ZNF367: variants seen among roughly 807,000 people sequenced by gnomAD.
The protein encoded by ZNF367 is zinc finger protein 367.
ZNF367 carries 11 observed loss-of-function variants against 31.8 expected under a neutral mutation model. That is an observed-to-expected ratio of 0.35 (90% CI 0.22 to 0.57). The LOEUF is 0.57. ZNF367 is among the 20% of genes least tolerant of loss of function. The pLI is 0.85. For missense variants in ZNF367, 353 were observed against 484.1 expected (o/e 0.73, Z 2.54); for synonymous variants, 199 against 202.4 (o/e 0.98, Z 0.14).
chr9:96,394,854 G>T lies in ZNF367; in HGVS notation c.660C>A (p.Thr220=), dbSNP rs528851804. Residue 220 remains threonine, a synonymous_variant, in exon 3 of 5, where the codon ACC becomes ACA. Transcript: ENST00000375256. ...CTGAACAAACAAAAGGTTTCTCTCC[G>T]GTGTGAAGACGCTGATGTGTTTTGA... ...GQLKTHQRLH[T]GEKPFVCSEN... The T allele has an allele frequency of 2.5e-6, 4 of 1,613,896 alleles. No homozygotes were observed. The Admixed American group carries it at 5.0e-5, about 20-fold the overall frequency.
chr9:96,407,840 C>A, intron 1 of ZNF367: 1 of 763,996 alleles, frequency 1.3e-6, no homozygotes. Flanking sequence ...GTCTCGATCT[C>A]TCTGATCCGC....
At chr9:96,403,331 T>C (rs1360265926) in intron 1 of ZNF367, among the ~76,000 whole-genome samples, 4 of 152,124 alleles carry the variant, frequency 2.6e-5, no homozygotes, top group Non-Finnish European at 5.9e-5. Context: ...GAAAATACCT[T>C]GACACAAATA....
rs896805132 is a variant in ZNF367 at position 96,417,098 on chromosome 9, G to A, written c.420+515C>T. 6.6e-6 allele frequency among the ~76,000 whole-genome samples: 1 copy of A among 152,220 alleles called. No homozygotes were observed. The highest frequency in any genetic ancestry group is 1.5e-5 in the Non-Finnish European group (1 of 68,044). On this transcript the variant is annotated intron_variant, in intron 1 of 4. Transcript: ENST00000375256. This position sits in a 1 kb window ranked among gnomAD's most constrained non-coding sequence, Gnocchi z 5.0. ...TCAACACCTAGCAAGTAGTATGCTGGATAAATGAAAGGCAGCGAAGGCACA... is the reference window on the plus strand; with the variant it reads ...TCAACACCTAGCAAGTAGTATGCTGAATAAATGAAAGGCAGCGAAGGCACA...
chr9:96,418,196 CG>C lies in ZNF367; in HGVS notation c.-165del, dbSNP rs1340274325. The C allele has an allele frequency of 6.0e-5, 65 of 1,092,012 alleles. 1 individual carries two copies. The highest frequency in any genetic ancestry group is 6.7e-4 in the Middle Eastern group (2 of 2,986). The allele number at this position is 1,092,012 out of a possible 1,614,324, so 67.6% of individuals were successfully genotyped here. On this transcript the variant is annotated 5_prime_UTR_variant, in exon 1 of 5. Coordinates refer to ENST00000375256, the MANE Select transcript of ZNF367 (RefSeq NM_153695.4). ...GCAGCCACCTAACTAGTTGAGCAGA[CG>C]GCACCGGCGGGCAGGGCTGGACCCC...
In ZNF367 at chr9:96,417,921, T is replaced by C. The variant is rs1831856861; in HGVS notation, c.112A>G (p.Thr38Ala). Reference protein sequence around the residue: ...KRVLVSVIRTTPIKPTCGGGG... With the variant: ...KRVLVSVIRTAPIKPTCGGGG... ...CCGCCGCACGTTGGCTTGATCGGGG[T>C]CGTCCTGATGACCGACACCAGCACC... Residue 38 changes from threonine (T) to alanine (A), a missense_variant, in exon 1 of 5, where the codon ACC becomes GCC. Transcript: ENST00000375256. The surrounding 1 kb of genome is among the most constrained non-coding windows in gnomAD (Gnocchi z 5.0). 4 of 1,518,542 alleles carry C rather than the reference T, an allele frequency of 2.6e-6. No individual in the cohort carries two copies. Among genetic ancestry groups the C allele is most frequent in the Non-Finnish European group, 2.6e-6 (3 of 1,142,258 alleles). The allele number at this position is 1,518,542 out of a possible 1,614,324, so 94.1% of individuals were successfully genotyped here.
At chr9:96,415,501 T>C (rs1831812131) in intron 1 of ZNF367, among the ~76,000 whole-genome samples, 1 of 109,148 alleles carries the variant, frequency 9.2e-6, no homozygotes, top group African/African-American at 3.8e-5. Flanking sequence ...TTTTTTTTTT[T>C]TTTTTTTTTT....
intron 1 of ZNF367, among the ~76,000 whole-genome samples, chr9:96,402,106 A>C (rs1174360713): frequency 6.7e-6 from 1 of 149,996 alleles, no homozygotes; most frequent in Non-Finnish European, 1.5e-5. Context: ...AAATACAAAA[A>C]TTAGCTGGGC....
At chr9:96,390,884 GAAAA>G (rs34868065) in intron 4 of ZNF367, among the ~76,000 whole-genome samples, 5 of 56,594 alleles carry the variant, frequency 8.8e-5, no homozygotes, top group East Asian at 5.6e-4. Flanking sequence ...ACCCTGTCTC[GAAAA>G]AAAAAAAAAA....
chr9:96,411,403 G>A (rs1011424790), intron 1 of ZNF367, among the ~76,000 whole-genome samples: 2 of 151,604 alleles, frequency 1.3e-5, no homozygotes, highest in Non-Finnish European at 2.9e-5. Context: ...AAGGCCAGGT[G>A]TGATATACAC....
At chr9:96,388,573 A>C in intron 4 of ZNF367, 114 bp from the exon 5 acceptor site, 1 of 944,534 alleles carries the variant, frequency 1.1e-6, no homozygotes, top group Non-Finnish European at 1.5e-6. Flanking sequence ...TCAGTTTATA[A>C]AGTTATAAAG....
chr9:96,392,650 G>A lies in ZNF367; in HGVS notation c.692-114C>T, dbSNP rs1013943442. 42 of 1,421,646 alleles carry A rather than the reference G, an allele frequency of 3.0e-5. No individual in the cohort carries two copies. In the Admixed American group the frequency reaches 8.7e-4, roughly 29 times the overall value. 88.1% of individuals were successfully genotyped at this position (1,421,646 alleles called of 1,614,324 possible). A position where few individuals can be genotyped will look rare whatever the true frequency, so the allele number is the denominator to read the frequency against. On this transcript the variant is annotated intron_variant, in intron 3 of 4. Transcript: ENST00000375256. ...AAGTAAATTAATATGGTGAAATTTA[G>A]GATCTATAATTTGGAGGAGAAAACA...
intron 1 of ZNF367, among the ~76,000 whole-genome samples, chr9:96,401,679 T>C (rs1423202803): frequency 8.9e-6 from 1 of 112,220 alleles, no homozygotes; most frequent in Non-Finnish European, 1.8e-5. Context: ...AAAAAAAAAA[T>C]TAGCCAGGTG....
intron 3 of ZNF367, 68 bp from the exon 4 acceptor site, chr9:96,392,604 C>G: frequency 6.6e-7 from 1 of 1,518,196 alleles, no homozygotes. Flanking sequence ...GGAAAACATT[C>G]AGTTTCACTG....
chr9:96,402,380 A>G (rs1831615199), intron 1 of ZNF367, among the ~76,000 whole-genome samples: 1 of 152,008 alleles, frequency 6.6e-6, no homozygotes, highest in African/African-American at 2.4e-5. Context: ...GACAGAATTA[A>G]AAGGAGAAAT....
In ZNF367 at chr9:96,417,967, G is replaced by A. The variant is rs1337354089; in HGVS notation, c.66C>T (p.Phe22=). Residue 22 remains phenylalanine (F), a synonymous_variant, in exon 1 of 5, where the codon TTC becomes TTT. Coordinates refer to ENST00000375256, the MANE Select transcript of ZNF367 (RefSeq NM_153695.4). This position sits in a 1 kb window ranked among gnomAD's most constrained non-coding sequence, Gnocchi z 5.0. The part of the protein sequence containing the change: ...NPPPPPPPVI[F]CHDSPKRVLV... ...GCACCCGCTTCGGGGAGTCGTGGCAGAAGATGACGGGCGGCGGCGGCGGCG... is the reference window on the plus strand; with the variant it reads ...GCACCCGCTTCGGGGAGTCGTGGCAAAAGATGACGGGCGGCGGCGGCGGCG... 1.4e-6 allele frequency: 2 copies of A among 1,477,962 alleles called. No individual in the cohort carries two copies. The highest frequency in any genetic ancestry group is 1.8e-6 in the Non-Finnish European group (2 of 1,121,634). The allele number at this position is 1,477,962 out of a possible 1,614,324, so 91.6% of individuals were successfully genotyped here. A position where few individuals can be genotyped will look rare whatever the true frequency, so the allele number is the denominator to read the frequency against.
chr9:96,417,935 G>C lies in ZNF367; in HGVS notation c.98C>G (p.Ser33Trp). The change falls in exon 1 of 5, where the codon TCG (serine) becomes TGG (tryptophan). Residue 33 changes from serine (S) to tryptophan (W), a missense_variant. Coordinates refer to ENST00000375256, the MANE Select transcript of ZNF367 (RefSeq NM_153695.4). The surrounding 1 kb of genome is among the most constrained non-coding windows in gnomAD (Gnocchi z 5.0). ...CHDSPKRVLV[S>W]VIRTTPIKPT... The stretch of plus-strand genomic sequence containing the variant: ...CTTGATCGGGGTCGTCCTGATGACC[G>C]ACACCAGCACCCGCTTCGGGGAGTC... The C allele has an allele frequency of 6.6e-7, 1 of 1,508,640 alleles. No individual in the cohort carries two copies. Among genetic ancestry groups the C allele is most frequent in the Non-Finnish European group, 8.8e-7 (1 of 1,135,558 alleles). 93.5% of individuals were successfully genotyped at this position (1,508,640 alleles called of 1,614,324 possible).
chr9:96,417,926 C>T lies in ZNF367; in HGVS notation c.107G>A (p.Arg36Lys), dbSNP rs960714828. Residue 36 changes from arginine to lysine, a missense_variant, in exon 1 of 5, where the codon AGG becomes AAG. Transcript: ENST00000375256. This position sits in a 1 kb window ranked among gnomAD's most constrained non-coding sequence, Gnocchi z 5.0. ...SPKRVLVSVI[R>K]TTPIKPTCGG... is the part of the protein sequence containing the mutation. ...GCACGTTGGCTTGATCGGGGTCGTCCTGATGACCGACACCAGCACCCGCTT... is the reference window on the plus strand; with the variant it reads ...GCACGTTGGCTTGATCGGGGTCGTCTTGATGACCGACACCAGCACCCGCTT... 14 of 1,521,482 alleles carry T rather than the reference C, an allele frequency of 9.2e-6. No homozygotes were observed. Among genetic ancestry groups the T allele is most frequent in the Non-Finnish European group, 1.2e-5 (14 of 1,143,244 alleles). 94.2% of individuals were successfully genotyped at this position (1,521,482 alleles called of 1,614,324 possible). A position where few individuals can be genotyped will look rare whatever the true frequency, so the allele number is the denominator to read the frequency against.
intron 4 of ZNF367, among the ~76,000 whole-genome samples, chr9:96,389,751 A>G (rs1278510681): frequency 6.6e-6 from 1 of 152,082 alleles, no homozygotes; most frequent in Non-Finnish European, 1.5e-5. Context: ...ATTTTTCGAG[A>G]CAGAGTCTCA....
intron 1 of ZNF367, among the ~76,000 whole-genome samples, chr9:96,401,359 C>T (rs1485646132): frequency 1.3e-5 from 2 of 152,084 alleles, no homozygotes; most frequent in Non-Finnish European, 2.9e-5. Context: ...AACCCTGCCT[C>T]TACTAAAACT....
Sources: allele counts gnomAD v4.1 joint callset (sites outside exome capture counted in the v4.1 genomes callset), GRCh38; gene constraint gnomAD v4.1.1; non-coding constraint Gnocchi (gnomAD v3.1); transcripts MANE v1.5; gene names NCBI Gene and HGNC (gene_info 2026-07-23, HGNC 2026-07-21).